TNNI3K: variants seen among roughly 807,000 people sequenced by gnomAD.
TNNI3K encodes the protein serine/threonine-protein kinase TNNI3K.
TNNI3K carries 140 observed loss-of-function variants against 114.5 expected under a neutral mutation model. That is an observed-to-expected ratio of 1.22 (90% CI 1.07 to 1.41). TNNI3K has a LOEUF of 1.41. Among genes scored for constraint, TNNI3K ranks in the 40% most tolerant of loss-of-function variants. The pLI is 0.00. For synonymous variants in TNNI3K, 347 were observed against 347.5 expected, an observed-to-expected ratio of 1.00 and a Z score of 0.02; for missense variants, 1,125 against 1,007.6, an observed-to-expected ratio of 1.12 and a Z score of -1.58.
intron 4 of TNNI3K, among the ~76,000 whole-genome samples, chr1:74,260,581 A>C (rs1655602998): frequency 6.6e-6 from 1 of 152,186 alleles, no homozygotes; most frequent in Admixed American, 6.5e-5. Flanking sequence ...TGCAGTACTT[A>C]GCAAAATACC....
intron 11 of TNNI3K, among the ~76,000 whole-genome samples, chr1:74,354,478 A>G (rs1454711101): frequency 6.6e-6 from 1 of 152,008 alleles, no homozygotes; most frequent in African/African-American, 2.4e-5. Flanking sequence ...TGTGGTTTCA[A>G]ATTTATAAGA....
chr1:74,314,653 A>G (rs911770871), intron 5 of TNNI3K, among the ~76,000 whole-genome samples: 5 of 152,184 alleles, frequency 3.3e-5, no homozygotes, highest in African/African-American at 9.7e-5. Context: ...TTGATGTCAT[A>G]AACACATTTA....
chr1:74,481,265 G>T (rs189672290), intron 21 of TNNI3K, among the ~76,000 whole-genome samples: 86 of 152,158 alleles, frequency 5.7e-4, no homozygotes, highest in African/African-American at 1.9e-3. Flanking sequence ...TATCTTCATC[G>T]ATGTTATTTT....
chr1:74,283,954 T>C (rs566995383), intron 5 of TNNI3K, among the ~76,000 whole-genome samples: 1 of 152,156 alleles, frequency 6.6e-6, no homozygotes, highest in Non-Finnish European at 1.5e-5. Flanking sequence ...TTGCACACCA[T>C]ACTCCTTACA....
At chr1:74,287,836 A>G (rs1420349348) in intron 5 of TNNI3K, among the ~76,000 whole-genome samples, 1 of 152,188 alleles carries the variant, frequency 6.6e-6, no homozygotes, top group Non-Finnish European at 1.5e-5. Flanking sequence ...CATACATCTG[A>G]TAAGGGGTTA....
At chr1:74,251,787 G>A (rs902576930) in intron 4 of TNNI3K, among the ~76,000 whole-genome samples, 4 of 152,152 alleles carry the variant, frequency 2.6e-5, no homozygotes, top group Admixed American at 1.3e-4. Flanking sequence ...ATTTTCCCAT[G>A]ATCTAGCATC....
At chr1:74,529,455 G>A (rs999378632) in intron 23 of TNNI3K, among the ~76,000 whole-genome samples, 1 of 152,332 alleles carries the variant, frequency 6.6e-6, no homozygotes, top group Admixed American at 6.5e-5. Context: ...GAGATGGAGA[G>A]ACCATTTCAG....
At chr1:74,451,727 C>CT (rs1667027572) in intron 20 of TNNI3K, among the ~76,000 whole-genome samples, 4 of 44,428 alleles carry the variant, frequency 9.0e-5, no homozygotes, top group Non-Finnish European at 1.3e-4. Flanking sequence ...TTCTTTCTTT[C>CT]TTTCTTTCTT....
At chr1:74,425,659 A>G (rs1665602174) in intron 17 of TNNI3K, among the ~76,000 whole-genome samples, 1 of 152,102 alleles carries the variant, frequency 6.6e-6, no homozygotes, top group Non-Finnish European at 1.5e-5. Context: ...TTCTAACCTT[A>G]CTGGAAACAA....
Position 74,539,806 on chromosome 1 carries a change from A to G in TNNI3K, c.2352-428A>G, listed in dbSNP as rs1646703949. 5.3e-5 allele frequency among the ~76,000 whole-genome samples: 8 copies of G among 151,940 alleles called. No individual in the cohort carries two copies. The South Asian group carries it at 8.3e-4, about 16-fold the overall frequency. On this transcript the variant is annotated intron_variant, in intron 23 of 24. Transcript: ENST00000326637. ...GAATCATGCAATGAATATTATCACT[A>G]TATCTTATTATCATAAAAATAATAT...
chr1:74,533,587 A>G (rs1646620599), intron 23 of TNNI3K, among the ~76,000 whole-genome samples: 1 of 152,164 alleles, frequency 6.6e-6, no homozygotes, highest in South Asian at 2.1e-4. Context: ...ACTATAAATC[A>G]TGCTGCTATA....
intron 5 of TNNI3K, among the ~76,000 whole-genome samples, chr1:74,286,977 T>C (rs571712342): frequency 6.6e-6 from 1 of 151,810 alleles, no homozygotes; most frequent in African/African-American, 2.4e-5. Flanking sequence ...AACACAGATA[T>C]CAGAAGTTCA....
At chr1:74,365,945 C>T (rs1306095011) in intron 11 of TNNI3K, among the ~76,000 whole-genome samples, 6 of 150,740 alleles carry the variant, frequency 4.0e-5, no homozygotes, top group Admixed American at 6.6e-5. Context: ...ATTGTAATCA[C>T]AATGCTTTTT....
rs534287539 is a variant in TNNI3K, at chr1:74,495,313, G to A, written c.2351+3047G>A. On this transcript the variant is annotated intron_variant, in intron 23 of 24. Transcript: ENST00000326637. ...AATCAACTCTAGGAATCGGTAAAGC[G>A]TTTAGCTAAGTTTTAAAATGTGTCA... Among the ~76,000 whole-genome samples the A allele has an allele frequency of 1.6e-4, 24 of 152,258 alleles. 1 individual carries two copies. In the South Asian group the frequency reaches 2.7e-3, roughly 17 times the overall value.
chr1:74,268,070 A>G (rs558504245), intron 4 of TNNI3K, among the ~76,000 whole-genome samples: 85 of 151,980 alleles, frequency 5.6e-4, no homozygotes, highest in Non-Finnish European at 1.1e-3. Context: ...ACTGATTTAT[A>G]CAAGTTATTT....
chr1:74,451,561 T>C (rs542082912), intron 20 of TNNI3K, among the ~76,000 whole-genome samples: 18 of 151,986 alleles, frequency 1.2e-4, no homozygotes, highest in African/African-American at 4.3e-4. Context: ...TAAATAATTA[T>C]GTCATCTGTT....
chr1:74,279,983 C>T lies in TNNI3K; in HGVS notation c.444+8275C>T, dbSNP rs550168806. Reference sequence around the variant, plus strand: ...AACTCCCCAGCAATCGTCCCCTTAACGCCCCACAGGATAACCGAGTTGAAC... The same window carrying T: ...AACTCCCCAGCAATCGTCCCCTTAATGCCCCACAGGATAACCGAGTTGAAC... On this transcript the variant is annotated intron_variant, in intron 5 of 24. Coordinates refer to ENST00000326637, the MANE Select transcript of TNNI3K (RefSeq NM_015978.3). 7.9e-5 allele frequency among the ~76,000 whole-genome samples: 12 copies of T among 152,272 alleles called. No homozygotes were observed. The East Asian group carries it at 9.7e-4, about 12-fold the overall frequency.
At chr1:74,287,652 C>T (rs1254932276) in intron 5 of TNNI3K, among the ~76,000 whole-genome samples, 1 of 152,012 alleles carries the variant, frequency 6.6e-6, no homozygotes, top group African/African-American at 2.4e-5. Flanking sequence ...TAGAGAAAAG[C>T]CTTTTTGAAA....
intron 5 of TNNI3K, among the ~76,000 whole-genome samples, chr1:74,323,446 C>CT (rs1659731674): frequency 2.1e-5 from 3 of 141,996 alleles, no homozygotes; most frequent in African/African-American, 8.4e-5. Context: ...CACTAGCACA[C>CT]ATTTTTTTTT....
Sources: allele counts gnomAD v4.1 joint callset (sites outside exome capture counted in the v4.1 genomes callset), GRCh38; gene constraint gnomAD v4.1.1; transcripts MANE v1.5; gene names NCBI Gene and HGNC (gene_info 2026-07-23, HGNC 2026-07-21).